The following CACNA2D3 variants were observed in gnomAD, a reference collection of about 807,000 sequenced individuals.
CACNA2D3 encodes calcium voltage-gated channel auxiliary subunit alpha2delta 3.
CACNA2D3 carries 60 observed loss-of-function variants against 160.6 expected under a neutral mutation model. The ratio of observed to expected loss-of-function variants is 0.37; its 90% CI spans 0.30 to 0.46. The LOEUF is 0.46. CACNA2D3 is among the 20% of genes least tolerant of loss of function. The probability of loss-of-function intolerance (pLI) is 1.00; values close to 1 mark genes in which losing one functional copy is unlikely to be tolerated. For synonymous variants in CACNA2D3, 558 were observed against 492.9 expected (o/e 1.13, Z -1.75); for missense variants, 1,205 against 1,365.0 (o/e 0.88, Z 1.85).
intron 27 of CACNA2D3, chr3:54,918,804 G>A: frequency 1.2e-6 from 2 of 1,613,764 alleles, no homozygotes; most frequent in Non-Finnish European, 8.5e-7. Flanking sequence ...GAAGAGGGCA[G>A]GGCTGGTACA....
intron 27 of CACNA2D3, among the ~76,000 whole-genome samples, chr3:54,955,126 G>A (rs751686566): frequency 1.3e-5 from 2 of 152,170 alleles, no homozygotes; most frequent in Admixed American, 6.5e-5. Context: ...GGAATCGTAG[G>A]AGAATGATTA....
At chr3:54,790,002 A>G (rs945889578) in intron 13 of CACNA2D3, 9 of 372,756 alleles carry the variant, frequency 2.4e-5, no homozygotes, top group African/African-American at 1.9e-4. Context: ...ATCTTGTATA[A>G]TGAGGAATGA....
chr3:54,701,941 A>G (rs1286789435), intron 11 of CACNA2D3, among the ~76,000 whole-genome samples: 1 of 152,170 alleles, frequency 6.6e-6, no homozygotes, highest in African/African-American at 2.4e-5. Flanking sequence ...CAGAGAACCT[A>G]GAAATAAAGC....
intron 14 of CACNA2D3, among the ~76,000 whole-genome samples, chr3:54,818,329 C>T (rs1359727530): frequency 1.3e-5 from 2 of 152,080 alleles, no homozygotes; most frequent in South Asian, 2.1e-4. Context: ...GACAGACATG[C>T]GCCACCGCAC....
intron 4 of CACNA2D3, among the ~76,000 whole-genome samples, chr3:54,427,778 C>CA (rs1699930441): frequency 6.6e-6 from 1 of 152,218 alleles, no homozygotes; most frequent in Non-Finnish European, 1.5e-5. Context: ...CAAGGTCAGA[C>CA]AGGTAGGACA....
chr3:54,231,145 G>C (rs989792222), intron 2 of CACNA2D3, among the ~76,000 whole-genome samples: 4 of 152,222 alleles, frequency 2.6e-5, no homozygotes, highest in Non-Finnish European at 5.9e-5. Flanking sequence ...TCCCCAGGGA[G>C]AGGATGAGGG....
At chr3:54,466,962 T>TA (rs1700639295) in intron 4 of CACNA2D3, among the ~76,000 whole-genome samples, 1 of 152,214 alleles carries the variant, frequency 6.6e-6, no homozygotes, top group Non-Finnish European at 1.5e-5. Flanking sequence ...TGCTGTGGCT[T>TA]ATAGCCTACT....
chr3:54,127,994 C>T (rs1244913238), intron 2 of CACNA2D3, among the ~76,000 whole-genome samples: 1 of 151,698 alleles, frequency 6.6e-6, no homozygotes, highest in African/African-American at 2.4e-5. Flanking sequence ...CCTTTTCTCC[C>T]ATTAGGAACT....
chr3:55,071,911 C>T (rs538938694), intron 35 of CACNA2D3, among the ~76,000 whole-genome samples: 201 of 152,184 alleles, frequency 1.3e-3, no homozygotes, highest in African/African-American at 4.3e-3. Context: ...GTTAACCTGC[C>T]GCCTCAAAGG....
chr3:54,821,259 G>GT (rs1372853472), intron 14 of CACNA2D3, among the ~76,000 whole-genome samples: 1 of 152,178 alleles, frequency 6.6e-6, no homozygotes, highest in Non-Finnish European at 1.5e-5. Context: ...CTCTAATCCT[G>GT]TTTGGAACAG....
At chr3:54,267,721 A>G (rs1169361283) in intron 2 of CACNA2D3, among the ~76,000 whole-genome samples, 2 of 152,188 alleles carry the variant, frequency 1.3e-5, no homozygotes, top group Admixed American at 1.3e-4. Flanking sequence ...AACTTAGAAG[A>G]TGTTTCCTAA....
chr3:54,169,825 A>G (rs1700530596), intron 2 of CACNA2D3, among the ~76,000 whole-genome samples: 2 of 152,026 alleles, frequency 1.3e-5, no homozygotes. Flanking sequence ...GTGGAGAAGA[A>G]AGGCCTCTCT....
intron 5 of CACNA2D3, among the ~76,000 whole-genome samples, chr3:54,513,063 T>TC (rs1022886814): frequency 1.3e-5 from 2 of 151,476 alleles, no homozygotes; most frequent in Non-Finnish European, 2.9e-5. Context: ...TTCAATTTCC[T>TC]CCCCCCAGGT....
chr3:54,672,856 G>T (rs142130099), intron 11 of CACNA2D3, among the ~76,000 whole-genome samples: 7 of 152,332 alleles, frequency 4.6e-5, no homozygotes, highest in Admixed American at 2.6e-4. Context: ...TGGCTGGCAC[G>T]AGTAAATCCT....
intron 34 of CACNA2D3, among the ~76,000 whole-genome samples, chr3:55,013,921 A>C (rs987151061): frequency 1.3e-5 from 2 of 152,160 alleles, no homozygotes; most frequent in African/African-American, 4.8e-5. Context: ...AATTAAAGAA[A>C]TTCAGTTGTG....
chr3:54,518,326 T>C (rs1206897846), intron 5 of CACNA2D3, among the ~76,000 whole-genome samples: 5 of 151,252 alleles, frequency 3.3e-5, no homozygotes, highest in Non-Finnish European at 5.9e-5. Context: ...TGAGAAAGAA[T>C]GGCAAGGAAT....
At chr3:54,557,410 A>G (rs986328653) in intron 5 of CACNA2D3, among the ~76,000 whole-genome samples, 1 of 152,194 alleles carries the variant, frequency 6.6e-6, no homozygotes, top group African/African-American at 2.4e-5. Context: ...TTAGATTTCT[A>G]GGACCACCTG....
chr3:55,024,648 TC>T (rs922871716), intron 35 of CACNA2D3, among the ~76,000 whole-genome samples: 1 of 152,164 alleles, frequency 6.6e-6, no homozygotes, highest in African/African-American at 2.4e-5. Flanking sequence ...ATTCCCAGCC[TC>T]CAAAACTGTG....
chr3:54,350,697 G>A (rs1167669142), intron 3 of CACNA2D3, among the ~76,000 whole-genome samples: 1 of 152,148 alleles, frequency 6.6e-6, no homozygotes, highest in Non-Finnish European at 1.5e-5. Flanking sequence ...TCACAACCCA[G>A]GCAAATGCTC....
Sources: allele counts gnomAD v4.1 joint callset (sites outside exome capture counted in the v4.1 genomes callset), GRCh38; gene constraint gnomAD v4.1.1; transcripts MANE v1.5; gene names NCBI Gene and HGNC (gene_info 2026-07-23, HGNC 2026-07-21).